Variants in BCKDHB observed in about 807,000 individuals in gnomAD.
The protein encoded by BCKDHB is 2-oxoisovalerate dehydrogenase subunit beta, mitochondrial.
Under a neutral mutation model 48.5 loss-of-function variants are expected in BCKDHB, and 41 were observed. That is an observed-to-expected ratio of 0.85 (90% CI 0.66 to 1.10). The LOEUF (loss-of-function observed/expected upper bound fraction) is 1.10. Among genes scored for constraint, BCKDHB ranks in the 50% least tolerant of loss-of-function variants. BCKDHB has a pLI of 0.00. For missense variants in BCKDHB, 496 were observed against 494.2 expected, an observed-to-expected ratio of 1.00 and a Z score of -0.03; for synonymous variants, 201 against 174.8, an observed-to-expected ratio of 1.15 and a Z score of -1.18.
chr6:80,295,930 C>G (rs1378115909), intron 9 of BCKDHB, among the ~76,000 whole-genome samples: 2 of 152,092 alleles, frequency 1.3e-5, no homozygotes, highest in East Asian at 3.9e-4. Context: ...CACAGCCAAA[C>G]CAGTAATGTA....
chr6:80,294,855 C>T (rs1205499284), intron 9 of BCKDHB, among the ~76,000 whole-genome samples: 1 of 151,778 alleles, frequency 6.6e-6, no homozygotes, highest in Non-Finnish European at 1.5e-5. Flanking sequence ...TGCCCTTTGG[C>T]TTGTGACCTT....
intron 8 of BCKDHB, among the ~76,000 whole-genome samples, chr6:80,204,179 A>G (rs981274632): frequency 5.9e-5 from 9 of 152,112 alleles, no homozygotes; most frequent in South Asian, 2.1e-4. Flanking sequence ...GGTTAGTTAC[A>G]TGAAAATAAC....
chr6:80,457,747 C>T, the BCKDHB span, among the ~76,000 whole-genome samples: 7 of 152,246 alleles, frequency 4.6e-5, no homozygotes, highest in Non-Finnish European at 8.8e-5. Context: ...CTAACATACT[C>T]ATCCTATTTG....
At chr6:80,140,229 T>A (rs1469548093) in intron 3 of BCKDHB, among the ~76,000 whole-genome samples, 2 of 152,240 alleles carry the variant, frequency 1.3e-5, no homozygotes, top group African/African-American at 2.4e-5. Flanking sequence ...TTTCTAGATA[T>A]ACAATCATGT....
intron 9 of BCKDHB, among the ~76,000 whole-genome samples, chr6:80,329,993 C>A (rs1355184429): frequency 6.6e-6 from 1 of 152,032 alleles, no homozygotes; most frequent in African/African-American, 2.4e-5. Flanking sequence ...GTACCAACAT[C>A]CTAAAGGCTC....
At chr6:80,107,590 TTG>T in intron 1 of BCKDHB, among the ~76,000 whole-genome samples, 1 of 148,496 alleles carries the variant, frequency 6.7e-6, no homozygotes, top group African/African-American at 2.5e-5. Flanking sequence ...TATATGTCCC[TTG>T]GTTTCTTCTT....
At chr6:80,140,493 A>G (rs1216279354) in intron 3 of BCKDHB, among the ~76,000 whole-genome samples, 2 of 152,162 alleles carry the variant, frequency 1.3e-5, no homozygotes, top group Admixed American at 6.5e-5. Flanking sequence ...TACCGAATTT[A>G]TTGTGAGTTT....
intron 6 of BCKDHB, among the ~76,000 whole-genome samples, chr6:80,177,255 A>AAAAAAAAAAAG (rs1773207506): frequency 2.3e-5 from 3 of 130,682 alleles, no homozygotes; most frequent in African/African-American, 8.8e-5. Flanking sequence ...AAAAAAAAAA[A>AAAAAAAAAAAG]GCAAAACATG....
At chr6:80,396,383 C>G in the BCKDHB span, among the ~76,000 whole-genome samples, 3 of 152,220 alleles carry the variant, frequency 2.0e-5, no homozygotes, top group African/African-American at 7.2e-5. Context: ...TTTGATTTTA[C>G]AGGCTCATAG....
chr6:80,436,898 A>G, the BCKDHB span, among the ~76,000 whole-genome samples: 1 of 152,184 alleles, frequency 6.6e-6, no homozygotes, highest in Non-Finnish European at 1.5e-5. Context: ...TCACTACTCA[A>G]CTGAATGCTT....
chr6:80,389,917 G>A, the BCKDHB span, among the ~76,000 whole-genome samples: 47 of 152,262 alleles, frequency 3.1e-4, 1 homozygote, highest in South Asian at 9.5e-3. Context: ...TGATCCAGTA[G>A]CAAAATTTTT....
At chr6:80,433,233 A>G in the BCKDHB span, among the ~76,000 whole-genome samples, 1 of 88,108 alleles carries the variant, frequency 1.1e-5, no homozygotes, top group Admixed American at 2.0e-4. Flanking sequence ...TCAGGCGGGG[A>G]CGTATAAGTC....
chr6:80,424,788 G>T, the BCKDHB span, among the ~76,000 whole-genome samples: 1 of 152,180 alleles, frequency 6.6e-6, no homozygotes. Flanking sequence ...TTTTAGCAAA[G>T]GGTATTTTTG....
intron 1 of BCKDHB, among the ~76,000 whole-genome samples, chr6:80,120,010 C>G (rs1769919011): frequency 6.6e-6 from 1 of 152,112 alleles, no homozygotes; most frequent in Non-Finnish European, 1.5e-5. Flanking sequence ...ATCCCTCCCC[C>G]AGCTTCCCAA....
chr6:80,269,849 A>G (rs970452607), intron 8 of BCKDHB, among the ~76,000 whole-genome samples: 2 of 152,124 alleles, frequency 1.3e-5, no homozygotes, highest in East Asian at 1.9e-4. Flanking sequence ...ATTGAAACAT[A>G]CTGCATTAAT....
rs192772066 is a variant in BCKDHB at position 80,299,767 on chromosome 6, T to C, written c.1038+26546T>C. On this transcript the variant is annotated intron_variant, in intron 9 of 9. Transcript: ENST00000320393. ...GCTACAACGAAAACATATAAGTATA[T>C]AACCCACAGCCACTATAAATCAACT... Among the ~76,000 whole-genome samples, 284 of 152,266 alleles carry C rather than the reference T, an allele frequency of 1.9e-3. 1 individual carries two copies. Among genetic ancestry groups the C allele is most frequent in the South Asian group, 5.6e-3 (27 of 4,824 alleles).
At chr6:80,136,770 A>G (rs1157678466) in intron 3 of BCKDHB, among the ~76,000 whole-genome samples, 2 of 152,138 alleles carry the variant, frequency 1.3e-5, no homozygotes, top group African/African-American at 2.4e-5. Flanking sequence ...ACCCCAATCA[A>G]TTAAAAAAAT....
chr6:80,312,710 C>T (rs1473347246), intron 9 of BCKDHB, among the ~76,000 whole-genome samples: 1 of 152,086 alleles, frequency 6.6e-6, no homozygotes, highest in East Asian at 1.9e-4. Flanking sequence ...GTTGTTAGTT[C>T]TGTTTTTGCC....
chr6:80,281,233 A>G (rs1175390682), intron 9 of BCKDHB, among the ~76,000 whole-genome samples: 2 of 152,102 alleles, frequency 1.3e-5, no homozygotes, highest in Non-Finnish European at 2.9e-5. Flanking sequence ...TTAAGAAGGG[A>G]AAGTTTCTGA....
Sources: gnomAD v4.1 joint callset for allele counts (sites outside exome capture counted in the v4.1 genomes callset) on GRCh38, gnomAD v4.1.1 for gene constraint, MANE v1.5 for transcripts, NCBI Gene and HGNC (gene_info 2026-07-23, HGNC 2026-07-21) for gene names.